Variants in CDH13 observed in about 807,000 individuals in gnomAD.
CDH13 encodes cadherin 13.
In CDH13, 24 loss-of-function variants were observed where a neutral mutation model predicts 63.8. That is an observed-to-expected ratio of 0.38 (90% CI 0.27 to 0.53). The LOEUF is 0.53. Ranked by LOEUF, CDH13 falls within the 20% of genes least tolerant of loss-of-function variation. The probability of loss-of-function intolerance (pLI) is 0.85; values close to 1 mark genes in which losing one functional copy is unlikely to be tolerated. For synonymous variants in CDH13, 503 were observed against 355.3 expected, an observed-to-expected ratio of 1.42 and a Z score of -4.67; for missense variants, 1,049 against 903.1, an observed-to-expected ratio of 1.16 and a Z score of -2.07.
intron 4 of CDH13, among the ~76,000 whole-genome samples, chr16:83,149,367 GA>G (rs2036879361): frequency 1.3e-5 from 2 of 152,194 alleles, no homozygotes; most frequent in African/African-American, 4.8e-5. Context: ...GACATCTCAT[GA>G]GGCGATGTTA....
intron 3 of CDH13, among the ~76,000 whole-genome samples, chr16:83,080,626 C>T (rs1447430511): frequency 1.3e-5 from 2 of 152,078 alleles, no homozygotes; most frequent in Admixed American, 1.3e-4. Context: ...GTGTCCACAG[C>T]TCCTGTATTA....
At chr16:83,773,098 A>G (rs897851065) in intron 11 of CDH13, among the ~76,000 whole-genome samples, 3 of 152,220 alleles carry the variant, frequency 2.0e-5, no homozygotes, top group East Asian at 3.8e-4. Flanking sequence ...ACCCTTCCAC[A>G]GAGACTGAGA....
chr16:82,664,590 G>A lies in CDH13; in HGVS notation c.45+37453G>A, dbSNP rs1010978717. Among the ~76,000 whole-genome samples the A allele has an allele frequency of 2.0e-5, 3 of 152,228 alleles. No homozygotes were observed. The East Asian group carries it at 5.8e-4, about 29-fold the overall frequency. ...TGGGAGCCTTTACATTTGATGACTG[G>A]GAGAAAGGACCCAAGTTTTTCCTGT... On this transcript the variant is annotated intron_variant, in intron 1 of 13. Transcript: ENST00000567109.
intron 2 of CDH13, among the ~76,000 whole-genome samples, chr16:82,939,701 C>G (rs534753932): frequency 6.6e-6 from 1 of 152,296 alleles, no homozygotes; most frequent in South Asian, 2.1e-4. Flanking sequence ...GAAGTCCTTT[C>G]TCCTCACCGG....
chr16:83,556,843 T>G (rs556666407), intron 7 of CDH13, among the ~76,000 whole-genome samples: 36 of 152,234 alleles, frequency 2.4e-4, no homozygotes, highest in African/African-American at 8.4e-4. Context: ...CAGGGAACTT[T>G]ACAGCAAAGG....
chr16:83,240,584 G>A (rs1209393210), intron 5 of CDH13, among the ~76,000 whole-genome samples: 1 of 151,246 alleles, frequency 6.6e-6, no homozygotes, highest in Non-Finnish European at 1.5e-5. Flanking sequence ...ATCAGAATTT[G>A]CTACTGGATT....
chr16:82,717,367 C>T lies in CDH13; in HGVS notation c.45+90230C>T, dbSNP rs142945580. On this transcript the variant is annotated intron_variant, in intron 1 of 13. Coordinates refer to ENST00000567109, the MANE Select transcript of CDH13 (RefSeq NM_001257.5). ...AGGAGAATCGCTTGAAACCAGGAGGCGGAGGTTGCAGTGGATTGAGATCAC... is the reference window on the plus strand; with the variant it reads ...AGGAGAATCGCTTGAAACCAGGAGGTGGAGGTTGCAGTGGATTGAGATCAC... Among the ~76,000 whole-genome samples, 679 of 145,432 alleles carry T rather than the reference C, an allele frequency of 4.7e-3. 5 individuals carry two copies. The highest frequency in any genetic ancestry group is 0.016 in the African/African-American group (639 of 39,182).
intron 5 of CDH13, among the ~76,000 whole-genome samples, chr16:83,274,489 C>A (rs763662821): frequency 1.3e-4 from 20 of 152,194 alleles, no homozygotes; most frequent in Non-Finnish European, 2.4e-4. Context: ...AAAGCACTTA[C>A]CACAGTTTGA....
intron 6 of CDH13, among the ~76,000 whole-genome samples, chr16:83,410,861 A>G (rs1254794984): frequency 6.6e-6 from 1 of 152,214 alleles, no homozygotes; most frequent in African/African-American, 2.4e-5. Context: ...TTAGTCATCC[A>G]AATCACCACG....
At chr16:83,132,366 C>G (rs139803541) in intron 4 of CDH13, among the ~76,000 whole-genome samples, 1 of 151,862 alleles carries the variant, frequency 6.6e-6, no homozygotes, top group African/African-American at 2.4e-5. Context: ...GTTTTGTGCC[C>G]TTTATCTATG....
At chr16:83,357,216 C>T (rs1434311173) in intron 6 of CDH13, among the ~76,000 whole-genome samples, 4 of 152,186 alleles carry the variant, frequency 2.6e-5, no homozygotes, top group African/African-American at 9.7e-5. Flanking sequence ...CTCCTTCCTT[C>T]TCATTTCTGC....
intron 6 of CDH13, among the ~76,000 whole-genome samples, chr16:83,389,239 A>G (rs2091737611): frequency 1.3e-5 from 2 of 152,276 alleles, no homozygotes; most frequent in African/African-American, 4.8e-5. Context: ...TATGCAAAAT[A>G]TAAAACTATA....
intron 8 of CDH13, among the ~76,000 whole-genome samples, chr16:83,644,411 C>T (rs1178064688): frequency 6.6e-6 from 1 of 152,138 alleles, no homozygotes; most frequent in Non-Finnish European, 1.5e-5. Context: ...CTTTTATAAA[C>T]ATTACAGCAA....
At chr16:83,288,819 A>C (rs1256447887) in intron 5 of CDH13, among the ~76,000 whole-genome samples, 2 of 152,198 alleles carry the variant, frequency 1.3e-5, no homozygotes, top group Non-Finnish European at 2.9e-5. Context: ...TCTGAATGAA[A>C]ATTAATGCTG....
At chr16:83,474,970 G>A (rs570305121) in intron 6 of CDH13, among the ~76,000 whole-genome samples, 1 of 152,264 alleles carries the variant, frequency 6.6e-6, no homozygotes, top group South Asian at 2.1e-4. Context: ...CTGCGCAGCT[G>A]AGTATAGGCA....
chr16:83,022,212 A>C (rs1360406171), intron 2 of CDH13, among the ~76,000 whole-genome samples: 1 of 152,228 alleles, frequency 6.6e-6, no homozygotes, highest in African/African-American at 2.4e-5. Flanking sequence ...TTTAGTTGTC[A>C]GAAAGACATT....
rs2151580933 is a variant in CDH13, at chr16:83,090,320, A to T, written c.367-35065A>T. ...GCCGGGCACGGTGGCTCATGCCTGTAATCCCAGCACTTTGGGAGGCCGAGG... is the reference window on the plus strand; with the variant it reads ...GCCGGGCACGGTGGCTCATGCCTGTTATCCCAGCACTTTGGGAGGCCGAGG... On this transcript the variant is annotated intron_variant, in intron 3 of 13. Coordinates refer to ENST00000567109, the MANE Select transcript of CDH13 (RefSeq NM_001257.5). 1.3e-5 allele frequency among the ~76,000 whole-genome samples: 2 copies of T among 152,246 alleles called. 1 individual carries two copies. Among genetic ancestry groups the T allele is most frequent in the African/African-American group, 4.8e-5 (2 of 41,548 alleles).
intron 10 of CDH13, among the ~76,000 whole-genome samples, chr16:83,685,415 A>G (rs527573605): frequency 3.3e-4 from 51 of 152,324 alleles, no homozygotes; most frequent in African/African-American, 1.1e-3. Context: ...TGCATAATCA[A>G]AATAATAGAT....
chr16:83,430,947 C>G (rs2072081360), intron 6 of CDH13, among the ~76,000 whole-genome samples: 1 of 150,844 alleles, frequency 6.6e-6, no homozygotes, highest in Admixed American at 6.6e-5. Context: ...AGGTATATCT[C>G]CCAATGCCAT....
Sources: gnomAD v4.1 joint callset for allele counts (sites outside exome capture counted in the v4.1 genomes callset) on GRCh38, gnomAD v4.1.1 for gene constraint, MANE v1.5 for transcripts, NCBI Gene and HGNC (gene_info 2026-07-23, HGNC 2026-07-21) for gene names.